Variants in HTR2A observed in about 807,000 individuals in gnomAD.
HTR2A encodes 5-hydroxytryptamine receptor 2A, also known as 5-HT2 receptor.
A neutral mutation model predicts 31.0 loss-of-function variants in HTR2A; 14 were observed. The observed-to-expected ratio is 0.45, with a 90% CI of 0.30 to 0.71. The LOEUF (loss-of-function observed/expected upper bound fraction) is 0.71, where lower values mean the gene tolerates loss of function less well. HTR2A is among the 30% of genes least tolerant of loss of function. HTR2A has a pLI of 0.09. For synonymous variants in HTR2A, 209 were observed against 225.2 expected (o/e 0.93, Z 0.64); for missense variants, 442 against 573.3 (o/e 0.77, Z 2.34).
chr13:46,878,531 A>T (rs1050483231), intron 3 of HTR2A, among the ~76,000 whole-genome samples: 1 of 152,166 alleles, frequency 6.6e-6, no homozygotes, highest in Non-Finnish European at 1.5e-5. Flanking sequence ...GTGTTCTAAT[A>T]GCTGAACCCA....
chr13:46,889,195 G>A lies in HTR2A; in HGVS notation c.613+3195C>T, dbSNP rs77052241. On this transcript the variant is annotated intron_variant, in intron 3 of 3. Coordinates refer to ENST00000542664, the MANE Select transcript of HTR2A (RefSeq NM_000621.5). ...AAATGATAATCAAAAGAAAATTAAC[G>A]TAGCTATACTAAGATCAAATAGATT... is the stretch of plus-strand genomic sequence containing the variant. Among the ~76,000 whole-genome samples, 183 of 152,036 alleles carry A rather than the reference G, an allele frequency of 1.2e-3. 1 individual carries two copies. The highest frequency in any genetic ancestry group is 4.0e-3 in the African/African-American group (167 of 41,480).
At chr13:46,842,146 G>A (rs1950603045) in intron 3 of HTR2A, among the ~76,000 whole-genome samples, 1 of 152,158 alleles carries the variant, frequency 6.6e-6, no homozygotes, top group African/African-American at 2.4e-5. Flanking sequence ...CAATGCCACA[G>A]AAAGTTGGGG....
Position 46,876,413 on chromosome 13 carries a change from T to A in HTR2A, c.613+15977A>T, listed in dbSNP as rs1466821544. On this transcript the variant is annotated intron_variant, in intron 3 of 3. Transcript: ENST00000542664. ...ATATATATATATATATATTTTTTTT[T>A]TTTTTTTTTTTTTTGAGACAGAGTC... Among the ~76,000 whole-genome samples the A allele has an allele frequency of 5.8e-3, 771 of 133,334 alleles. 8 individuals carry two copies. Among genetic ancestry groups the A allele is most frequent in the African/African-American group, 0.019 (679 of 35,982 alleles). The allele number at this position is 133,334 out of a possible 152,430, so 87.5% of individuals were successfully genotyped here.
intron 3 of HTR2A, among the ~76,000 whole-genome samples, chr13:46,851,716 G>A (rs916071139): frequency 6.6e-6 from 1 of 152,152 alleles, no homozygotes; most frequent in Non-Finnish European, 1.5e-5. Context: ...TATATTCACC[G>A]CTTTTCTACA....
At chr13:46,891,103 G>T (rs889701985) in intron 3 of HTR2A, among the ~76,000 whole-genome samples, 7 of 152,222 alleles carry the variant, frequency 4.6e-5, no homozygotes, top group Non-Finnish European at 1.0e-4. Flanking sequence ...CCTGCTGCAA[G>T]TTGGAGACAT....
chr13:46,897,641 T>A (rs1370519146), upstream of HTR2A, among the ~76,000 whole-genome samples: 2 of 152,180 alleles, frequency 1.3e-5, no homozygotes, highest in African/African-American at 4.8e-5. Context: ...CTTTCCCAAG[T>A]AGGTTTCTAA....
chr13:46,864,750 A>G (rs1412167772), intron 3 of HTR2A, among the ~76,000 whole-genome samples: 1 of 145,844 alleles, frequency 6.9e-6, no homozygotes, highest in Non-Finnish European at 1.5e-5. Flanking sequence ...GGTGCTGTCA[A>G]GTCCTTATGT....
rs1238122808 is a variant in HTR2A at position 46,896,759 on chromosome 13, C to T, written c.-414G>A. The T allele has an allele frequency of 6.5e-7, 1 of 1,535,830 alleles. No homozygotes were observed. The highest frequency in any genetic ancestry group is 2.0e-5 in the Admixed American group (1 of 50,938). ...CACAGTAATTAAACTGGTGTAGAGTCCCCTCTTCTTGATCTTCCACCAGCA... is the reference window on the plus strand; with the variant it reads ...CACAGTAATTAAACTGGTGTAGAGTTCCCTCTTCTTGATCTTCCACCAGCA... On this transcript the variant is annotated 5_prime_UTR_variant, in exon 1 of 4. Transcript: ENST00000542664.
At chr13:46,845,643 C>CAAAAAAAAAAAAAAA in intron 3 of HTR2A, among the ~76,000 whole-genome samples, 1 of 112,984 alleles carries the variant, frequency 8.9e-6, no homozygotes, top group Non-Finnish European at 1.9e-5. Context: ...TTCATCACTC[C>CAAAAAAAAAAAAAAA]AAAAAAAAAA....
chr13:46,840,335 C>G (rs1950588927), intron 3 of HTR2A, among the ~76,000 whole-genome samples: 1 of 151,960 alleles, frequency 6.6e-6, no homozygotes, highest in Non-Finnish European at 1.5e-5. Flanking sequence ...GGTGTGTTGA[C>G]AAGGCAGATG....
chr13:46,880,720 T>A (rs1055765899), intron 3 of HTR2A, among the ~76,000 whole-genome samples: 4 of 151,966 alleles, frequency 2.6e-5, no homozygotes, highest in Non-Finnish European at 5.9e-5. Context: ...GCACCTGTAA[T>A]CCCAGCTACT....
chr13:46,866,971 A>G (rs1407418037), intron 3 of HTR2A, among the ~76,000 whole-genome samples: 1 of 152,204 alleles, frequency 6.6e-6, no homozygotes, highest in Non-Finnish European at 1.5e-5. Flanking sequence ...GGTTGCAGTG[A>G]GTCGAGATTG....
At chr13:46,867,874 C>G (rs1950830678) in intron 3 of HTR2A, among the ~76,000 whole-genome samples, 1 of 152,162 alleles carries the variant, frequency 6.6e-6, no homozygotes. Context: ...AATCCAAAAC[C>G]TGCCTTTAAG....
chr13:46,896,050 C>T lies in HTR2A; in HGVS notation c.-144G>A. 1 of 1,406,102 alleles carries T rather than the reference C, an allele frequency of 7.1e-7. No homozygotes were observed. 87.1% of individuals were successfully genotyped at this position (1,406,102 alleles called of 1,614,324 possible). On this transcript the variant is annotated 5_prime_UTR_variant, in exon 2 of 4. Coordinates refer to ENST00000542664, the MANE Select transcript of HTR2A (RefSeq NM_000621.5). ...TCTCCCGGGGCTGGATTTTTGTCTT[C>T]CATTATTACAATGATAGTTAAAGAA...
chr13:46,849,531 T>A (rs553214228), intron 3 of HTR2A, among the ~76,000 whole-genome samples: 12 of 152,308 alleles, frequency 7.9e-5, no homozygotes, highest in African/African-American at 2.2e-4. Context: ...ACTCCCTTCC[T>A]TTCTTACTAC....
intron 3 of HTR2A, among the ~76,000 whole-genome samples, chr13:46,863,787 G>A (rs1298275409): frequency 2.0e-5 from 3 of 151,880 alleles, no homozygotes; most frequent in East Asian, 1.9e-4. Context: ...GCAAGGTTGT[G>A]GAGAAAAAGG....
In HTR2A at chr13:46,834,895, G is replaced by C. The variant is rs557086481; in HGVS notation, c.1358C>G (p.Ser453Cys). 6.2e-6 allele frequency: 10 copies of C among 1,613,872 alleles called. No individual in the cohort carries two copies. The highest frequency in any genetic ancestry group is 2.2e-5 in the South Asian group (2 of 91,076). ...CSMVALGKQH[S>C]EEASKDNSDG... ...GCTATTGTCTTTAGAAGCCTCTTCAGAATGCTGCTTTCCTAGAGCAACCAT... is the reference window on the plus strand; with the variant it reads ...GCTATTGTCTTTAGAAGCCTCTTCACAATGCTGCTTTCCTAGAGCAACCAT... Residue 453 changes from serine (S) to cysteine (C), a missense_variant, in exon 4 of 4, where the codon TCT (serine) becomes TGT (cysteine). Coordinates refer to ENST00000542664, the MANE Select transcript of HTR2A (RefSeq NM_000621.5).
chr13:46,845,028 T>C (rs940263251), intron 3 of HTR2A, among the ~76,000 whole-genome samples: 3 of 152,146 alleles, frequency 2.0e-5, no homozygotes, highest in Non-Finnish European at 4.4e-5. Context: ...TTTTAAGCTT[T>C]TTATTATGGA....
At position 46,892,489 on chromosome 13, in the gene HTR2A, C is replaced by T; in HGVS notation, c.514G>A (p.Asp172Asn). 1.2e-6 allele frequency: 2 copies of T among 1,614,192 alleles called. No homozygotes were observed. Among genetic ancestry groups the T allele is most frequent in the South Asian group, 1.1e-5 (1 of 91,086 alleles). Reference sequence around the variant, plus strand: ...GGATTCTGGATGGCGACGTAGCGGTCCAGCGAGATGGCGCAGAGGTGCATG... The same window carrying T: ...GGATTCTGGATGGCGACGTAGCGGTTCAGCGAGATGGCGCAGAGGTGCATG... ...SIMHLCAISL[D>N]RYVAIQNPIH... Residue 172 changes from aspartate (D) to asparagine (N), a missense_variant, in exon 3 of 4, where the codon GAC (aspartate) becomes AAC (asparagine). By Grantham distance (23) the Asp-to-Asn change is conservative. Coordinates refer to ENST00000542664, the MANE Select transcript of HTR2A (RefSeq NM_000621.5).
Sources: allele counts gnomAD v4.1 joint callset (sites outside exome capture counted in the v4.1 genomes callset), GRCh38; gene constraint gnomAD v4.1.1; transcripts MANE v1.5; gene names NCBI Gene and HGNC (gene_info 2026-07-23, HGNC 2026-07-21).